The following DZIP3 variants were observed in gnomAD, a reference collection of about 807,000 sequenced individuals.
The protein encoded by DZIP3 is DAZ interacting zinc finger protein 3.
A neutral mutation model predicts 162.0 loss-of-function variants in DZIP3; 118 were observed. The ratio of observed to expected loss-of-function variants is 0.73; its 90% confidence interval spans 0.63 to 0.85. DZIP3 has a LOEUF of 0.85. DZIP3 is among the 40% of genes least tolerant of loss of function. The pLI, the probability that DZIP3 is intolerant of heterozygous loss-of-function variation, is 0.00. For missense variants in DZIP3, 1,331 were observed against 1,407.0 expected, an observed-to-expected ratio of 0.95 and a Z score of 0.86; for synonymous variants, 438 against 458.6, an observed-to-expected ratio of 0.96 and a Z score of 0.57.
intron 15 of DZIP3, 69 bp from the exon 16 acceptor site, chr3:108,647,874 A>C: frequency 7.5e-7 from 1 of 1,328,188 alleles, no homozygotes; most frequent in Non-Finnish European, 1.0e-6. Flanking sequence ...TTGGGCAAAC[A>C]TTATAACATT....
rs1944531531 is a variant in DZIP3 at position 108,687,231 on chromosome 3, A to C, written c.3149+647A>C. Among the ~76,000 whole-genome samples, 6 of 152,046 alleles carry C rather than the reference A, an allele frequency of 3.9e-5. 1 individual carries two copies. The highest frequency in any genetic ancestry group is 3.9e-4 in the Admixed American group (6 of 15,268). ...TTCATTATTAAATTATAATTTTATAAATTTCATAATAGTGAATAGATAATA... is the reference window on the plus strand; with the variant it reads ...TTCATTATTAAATTATAATTTTATACATTTCATAATAGTGAATAGATAATA... On this transcript the variant is annotated intron_variant, in intron 28 of 32. Transcript: ENST00000361582.
At chr3:108,679,372 T>C (rs1944222572) in intron 26 of DZIP3, among the ~76,000 whole-genome samples, 1 of 152,132 alleles carries the variant, frequency 6.6e-6, no homozygotes, top group South Asian at 2.1e-4. Flanking sequence ...GACTTTCTTA[T>C]GTCTGACATG....
intron 13 of DZIP3, 47 bp from the exon 14 acceptor site, chr3:108,644,117 A>G (rs1239039491): frequency 1.3e-6 from 2 of 1,531,658 alleles, no homozygotes; most frequent in Non-Finnish European, 1.7e-6. Flanking sequence ...CAAATAGAAA[A>G]TGAGCATTAA....
chr3:108,607,107 A>G (rs912127997), intron 2 of DZIP3, among the ~76,000 whole-genome samples: 3 of 152,134 alleles, frequency 2.0e-5, no homozygotes, highest in Non-Finnish European at 4.4e-5. Flanking sequence ...AAGTGGAGGA[A>G]AAGACAGGTT....
chr3:108,616,102 A>C (rs1409217093), intron 4 of DZIP3, among the ~76,000 whole-genome samples: 1 of 152,118 alleles, frequency 6.6e-6, no homozygotes, highest in African/African-American at 2.4e-5. Context: ...ATCTCTACTA[A>C]AAATACAAAA....
At chr3:108,629,862 C>T (rs6784253) in intron 8 of DZIP3, among the ~76,000 whole-genome samples, 30,743 of 151,296 alleles carry the variant, frequency 0.2, 3,710 homozygotes, top group East Asian at 0.45. Flanking sequence ...GACTATTATA[C>T]AATGCGATTT....
chr3:108,631,203 A>C (rs188846642), intron 8 of DZIP3, among the ~76,000 whole-genome samples: 14 of 151,588 alleles, frequency 9.2e-5, no homozygotes, highest in African/African-American at 3.4e-4. Flanking sequence ...TCTGTTTCTC[A>C]GAACTCAAGT....
intron 19 of DZIP3, 135 bp downstream of exon 19, chr3:108,654,445 G>A: frequency 2.1e-6 from 2 of 966,830 alleles, no homozygotes; most frequent in Non-Finnish European, 3.2e-6. Flanking sequence ...AAGCATAAAA[G>A]GTAAGGAGGG....
intron 28 of DZIP3, among the ~76,000 whole-genome samples, chr3:108,687,485 AT>A (rs1281031926): frequency 1.3e-5 from 2 of 152,152 alleles, no homozygotes; most frequent in African/African-American, 4.8e-5. Flanking sequence ...AATTAATGTG[AT>A]TTTTAACCCT....
In DZIP3 at chr3:108,631,055, A is replaced by ACACATACACT; in HGVS notation, c.696+1880_696+1881insACATACACTC. On this transcript the variant is annotated intron_variant, in intron 8 of 32. Transcript: ENST00000361582. The stretch of plus-strand genomic sequence containing the variant: ...CACACACACACACACACACACACAC[A>ACACATACACT]CTCTCTCTCTCTCTCTCTCTCTCTC... 1.1e-3 allele frequency among the ~76,000 whole-genome samples: 20 copies of ACACATACACT among 18,014 alleles called. 2 individuals are homozygous for ACACATACACT. Among genetic ancestry groups the ACACATACACT allele is most frequent in the Admixed American group, 1.7e-3 (2 of 1,180 alleles). 11.8% of individuals were successfully genotyped at this position (18,014 alleles called of 152,430 possible).
At chr3:108,658,870 C>T (rs1012407138) in intron 19 of DZIP3, among the ~76,000 whole-genome samples, 3 of 152,298 alleles carry the variant, frequency 2.0e-5, no homozygotes, top group Admixed American at 2.0e-4. Context: ...CACCTCTACG[C>T]AAATAAACTA....
At chr3:108,595,257 G>T (rs1454261843) in intron 1 of DZIP3, among the ~76,000 whole-genome samples, 2 of 152,100 alleles carry the variant, frequency 1.3e-5, no homozygotes, top group Non-Finnish European at 2.9e-5. Context: ...TCACTTGGTT[G>T]CCCAGACTGG....
intron 1 of DZIP3, 196 bp downstream of exon 1, chr3:108,590,035 C>T (rs1939293281): frequency 6.6e-6 from 1 of 152,198 alleles, no homozygotes; most frequent in African/African-American, 2.4e-5. Flanking sequence ...GAGAAGACTA[C>T]CTCCTGCTGA....
chr3:108,590,326 A>G (rs999481180), intron 1 of DZIP3, among the ~76,000 whole-genome samples: 1 of 152,258 alleles, frequency 6.6e-6, no homozygotes, highest in Non-Finnish European at 1.5e-5. Flanking sequence ...AGAATAGGGT[A>G]CATTTCCATT....
chr3:108,622,510 T>C (rs943512847), intron 5 of DZIP3, among the ~76,000 whole-genome samples: 1 of 152,158 alleles, frequency 6.6e-6, no homozygotes, highest in Non-Finnish European at 1.5e-5. Flanking sequence ...TTTTCCTGGA[T>C]GGTCTTGATG....
Position 108,642,448 on chromosome 3 carries a change from T to G in DZIP3, c.1075T>G (p.Leu359Val). ...IENLGASYRKLISLKITDTDI... is the reference protein window; with the variant it reads ...IENLGASYRKVISLKITDTDI... ...TTTTTCCTTTTGCAGTTATAGAAAG[T>G]TGATATCTCTGAAAATAACTGATAC... The change falls in exon 13 of 33, where the codon TTG (leucine) becomes GTG (valine). Residue 359 changes from leucine to valine, a missense_variant. Leu to Val is a conservative substitution (Grantham distance 32, BLOSUM62 1). Coordinates refer to ENST00000361582, the MANE Select transcript of DZIP3 (RefSeq NM_014648.4). 9 of 1,482,010 alleles carry G rather than the reference T, an allele frequency of 6.1e-6. No individual in the cohort carries two copies. Among genetic ancestry groups the G allele is most frequent in the Non-Finnish European group, 8.2e-6 (9 of 1,094,612 alleles). 91.8% of individuals were successfully genotyped at this position (1,482,010 alleles called of 1,614,324 possible).
At position 108,623,719 on chromosome 3, in the gene DZIP3, A is replaced by G. The variant is rs112254441; in HGVS notation, c.376-725A>G. ...GCACAGCACCAGGACATGGCCAGGA[A>G]CTGCAGTCCTTGTGGCCTAGACTGC... is the stretch of plus-strand genomic sequence containing the variant. On this transcript the variant is annotated intron_variant, in intron 5 of 32. Coordinates refer to ENST00000361582, the MANE Select transcript of DZIP3 (RefSeq NM_014648.4). Among the ~76,000 whole-genome samples, 1,042 of 152,306 alleles carry G rather than the reference A, an allele frequency of 6.8e-3. 5 individuals are homozygous for G. Among genetic ancestry groups the G allele is most frequent in the African/African-American group, 0.024 (983 of 41,564 alleles).
intron 26 of DZIP3, among the ~76,000 whole-genome samples, chr3:108,679,413 C>G (rs1399547737): frequency 1.3e-5 from 2 of 152,074 alleles, no homozygotes; most frequent in South Asian, 4.1e-4. Context: ...GTACAAAAAC[C>G]TACTGGCAGT....
At chr3:108,673,515 T>C (rs796348546) in intron 23 of DZIP3, among the ~76,000 whole-genome samples, 9 of 152,100 alleles carry the variant, frequency 5.9e-5, no homozygotes, top group African/African-American at 1.7e-4. Flanking sequence ...TTTTAGTGAA[T>C]ACTGAGTGTT....
Sources: gnomAD v4.1 joint callset for allele counts (sites outside exome capture counted in the v4.1 genomes callset) on GRCh38, gnomAD v4.1.1 for gene constraint, MANE v1.5 for transcripts, NCBI Gene and HGNC (gene_info 2026-07-23, HGNC 2026-07-21) for gene names.